Variants in MYO1H observed in about 807,000 individuals in gnomAD.
MYO1H encodes the protein unconventional myosin-Ih.
MYO1H carries 118 observed loss-of-function variants against 149.3 expected under a neutral mutation model. The ratio of observed to expected loss-of-function variants is 0.79; its 90% CI spans 0.68 to 0.92. The LOEUF (loss-of-function observed/expected upper bound fraction) is 0.92. MYO1H is among the 40% of genes least tolerant of loss of function. The pLI, the probability that MYO1H is intolerant of heterozygous loss-of-function variation, is 0.00. For synonymous variants in MYO1H, 447 were observed against 465.2 expected (o/e 0.96, Z 0.50); for missense variants, 1,212 against 1,280.7 (o/e 0.95, Z 0.82).
At chr12:109,401,201 G>A in exon 6 of MYO1H, 1 of 1,613,922 alleles carries the variant, frequency 6.2e-7, no homozygotes, top group Non-Finnish European at 8.5e-7. Flanking sequence ...GCTGCTGGCA[G>A]GTGGCGAAGA....
chr12:109,347,595 CT>C (rs1868364647), upstream of MYO1H, among the ~76,000 whole-genome samples: 1 of 149,566 alleles, frequency 6.7e-6, no homozygotes, highest in Non-Finnish European at 1.5e-5. Context: ...TTTTTTTTTT[CT>C]TTTTTTCTTT....
intron 1 of MYO1H, among the ~76,000 whole-genome samples, chr12:109,384,028 G>A (rs1348698397): frequency 6.6e-6 from 1 of 152,244 alleles, no homozygotes; most frequent in Non-Finnish European, 1.5e-5. Flanking sequence ...ATAATGTCCT[G>A]CAAGGGTAAA....
chr12:109,407,489 CTG>C (rs1258263788), intron 9 of MYO1H, among the ~76,000 whole-genome samples: 6 of 151,168 alleles, frequency 4.0e-5, no homozygotes, highest in Non-Finnish European at 8.8e-5. Context: ...TAGTTCAAGA[CTG>C]TGTGTGGTGG....
intron 1 of MYO1H, among the ~76,000 whole-genome samples, chr12:109,357,880 T>G (rs989000184): frequency 1.3e-5 from 2 of 151,844 alleles, no homozygotes; most frequent in African/African-American, 4.8e-5. Context: ...TGCCATGAAA[T>G]ACTATTCTCT....
At chr12:109,407,905 G>A in exon 10 of MYO1H, 1 of 1,613,944 alleles carries the variant, frequency 6.2e-7, no homozygotes, top group Non-Finnish European at 8.5e-7. Context: ...TTCCTCCTTA[G>A]TTAACAAGGT....
At position 109,413,676 on chromosome 12, in the gene MYO1H, G is replaced by A. The variant is rs113333876; in HGVS notation, c.1502+1691G>A. Among the ~76,000 whole-genome samples the A allele has an allele frequency of 3.2e-3, 487 of 152,268 alleles. 5 individuals are homozygous for A. The highest frequency in any genetic ancestry group is 0.011 in the African/African-American group (465 of 41,562). On this transcript the variant is annotated intron_variant, in intron 14 of 31. Transcript: ENST00000310903. ...TATAATCCCAGCACTTTGAGAGGCC[G>A]AGGCAGCTGGATCACCTGAGGTCAA...
At chr12:109,408,049 C>T in intron 10 of MYO1H, 136 bp downstream of exon 10, 5 of 1,092,238 alleles carry the variant, frequency 4.6e-6, no homozygotes, top group Non-Finnish European at 6.7e-6. Flanking sequence ...TCCCTATTCA[C>T]ATTTCCCATG....
At chr12:109,319,111 G>GATATTTGC in the MYO1H span, among the ~76,000 whole-genome samples, 4 of 151,066 alleles carry the variant, frequency 2.6e-5, no homozygotes, top group Non-Finnish European at 1.5e-5. Flanking sequence ...ATCTCAAAGA[G>GATATTTGC]ATATTTGCAT....
upstream of MYO1H, among the ~76,000 whole-genome samples, chr12:109,347,284 G>A (rs1465299005): frequency 6.6e-6 from 1 of 152,186 alleles, no homozygotes; most frequent in African/African-American, 2.4e-5. Context: ...CCCAGACCAG[G>A]AAGGGGTGAA....
At chr12:109,342,693 C>T in the MYO1H span, among the ~76,000 whole-genome samples, 1 of 151,624 alleles carries the variant, frequency 6.6e-6, no homozygotes, top group Non-Finnish European at 1.5e-5. Flanking sequence ...CAGGTGCACA[C>T]CACCATGTCT....
At chr12:109,431,054 C>CAAA (rs772066497) in intron 19 of MYO1H, among the ~76,000 whole-genome samples, 2 of 111,026 alleles carry the variant, frequency 1.8e-5, no homozygotes, top group Non-Finnish European at 3.8e-5. Context: ...GACTCCATCT[C>CAAA]AAAAAAAAAA....
intron 1 of MYO1H, among the ~76,000 whole-genome samples, chr12:109,362,766 G>T (rs1027335797): frequency 1.3e-4 from 20 of 152,154 alleles, no homozygotes; most frequent in Non-Finnish European, 2.6e-4. Flanking sequence ...CTGGAATGAG[G>T]ATCTTAATCA....
At chr12:109,323,112 AAAAAC>A in the MYO1H span, among the ~76,000 whole-genome samples, 430 of 152,314 alleles carry the variant, frequency 2.8e-3, 2 homozygotes, top group African/African-American at 0.01. Context: ...CTCAAAAACA[AAAAAC>A]AATACCCATA....
intron 1 of MYO1H, among the ~76,000 whole-genome samples, chr12:109,364,888 CT>C (rs1244863188): frequency 3.3e-5 from 5 of 152,254 alleles, no homozygotes; most frequent in African/African-American, 1.2e-4. Context: ...AAGTATTATT[CT>C]TTCCCTTATT....
At chr12:109,402,539 A>G (rs1472259586) in intron 6 of MYO1H, among the ~76,000 whole-genome samples, 2 of 152,200 alleles carry the variant, frequency 1.3e-5, no homozygotes, top group African/African-American at 4.8e-5. Context: ...AGGCCAAGGC[A>G]GGAGGATCGC....
At chr12:109,352,019 C>T (rs1299735111) in intron 1 of MYO1H, among the ~76,000 whole-genome samples, 1 of 152,128 alleles carries the variant, frequency 6.6e-6, no homozygotes, top group East Asian at 1.9e-4. Context: ...ATGCTTTGCT[C>T]TCTTTGCTTC....
the MYO1H span, among the ~76,000 whole-genome samples, chr12:109,338,269 C>T: frequency 3.9e-5 from 6 of 152,146 alleles, no homozygotes; most frequent in East Asian, 1.9e-4. Context: ...CCTCATCAGA[C>T]GAGACACTTT....
chr12:109,319,173 C>T, the MYO1H span, among the ~76,000 whole-genome samples: 1 of 152,114 alleles, frequency 6.6e-6, no homozygotes, highest in East Asian at 1.9e-4. Flanking sequence ...GGAAGCAACC[C>T]AACAACCCAA....
intron 1 of MYO1H, among the ~76,000 whole-genome samples, chr12:109,364,190 AAAAAAAAAG>A (rs1868816154): frequency 6.6e-6 from 1 of 151,336 alleles, no homozygotes; most frequent in Admixed American, 6.6e-5. Context: ...AAAAAAAAAA[AAAAAAAAAG>A]AAGTGGGAAC....
Sources: gnomAD v4.1 joint callset for allele counts (sites outside exome capture counted in the v4.1 genomes callset) on GRCh38, gnomAD v4.1.1 for gene constraint, MANE v1.5 for transcripts, NCBI Gene and HGNC (gene_info 2026-07-23, HGNC 2026-07-21) for gene names.